Variants in SAMTOR observed in about 807,000 individuals in gnomAD.
SAMTOR encodes UPF0532 protein C7orf60.
At chr7:112,862,791 T>A in the SAMTOR span, among the ~76,000 whole-genome samples, 1 of 152,016 alleles carries the variant, frequency 6.6e-6, no homozygotes, top group Non-Finnish European at 1.5e-5. Flanking sequence ...TAGCAGGGTG[T>A]GGTGGAAGAC....
At chr7:112,830,389 C>T in the SAMTOR span, among the ~76,000 whole-genome samples, 1 of 152,262 alleles carries the variant, frequency 6.6e-6, no homozygotes, top group South Asian at 2.1e-4. Context: ...AACTGTGAAA[C>T]TCTGATTCTA....
the SAMTOR span, among the ~76,000 whole-genome samples, chr7:112,920,800 C>T: frequency 1.3e-5 from 2 of 151,794 alleles, no homozygotes; most frequent in African/African-American, 2.4e-5. Flanking sequence ...TTCTTATACA[C>T]CAATAACAGA....
At chr7:112,933,979 CTT>C in the SAMTOR span, among the ~76,000 whole-genome samples, 14 of 152,118 alleles carry the variant, frequency 9.2e-5, no homozygotes, top group Middle Eastern at 3.2e-3. Context: ...GACTGGGACT[CTT>C]TGAAAATCAA....
At chr7:112,880,057 C>A in the SAMTOR span, among the ~76,000 whole-genome samples, 1 of 152,040 alleles carries the variant, frequency 6.6e-6, no homozygotes, top group Non-Finnish European at 1.5e-5. Context: ...GAATGCTGTA[C>A]CTCTGACTAA....
chr7:112,934,995 T>C, the SAMTOR span, among the ~76,000 whole-genome samples: 2 of 152,204 alleles, frequency 1.3e-5, no homozygotes, highest in Non-Finnish European at 2.9e-5. Context: ...ATTACTGAAC[T>C]CTTTTCATTA....
chr7:112,922,466 G>C, the SAMTOR span, among the ~76,000 whole-genome samples: 1 of 152,008 alleles, frequency 6.6e-6, no homozygotes, highest in Non-Finnish European at 1.5e-5. Flanking sequence ...AGTCTGGAAA[G>C]TGAGGAGCGT....
chr7:112,873,134 A>G, the SAMTOR span, among the ~76,000 whole-genome samples: 1 of 152,152 alleles, frequency 6.6e-6, no homozygotes, highest in African/African-American at 2.4e-5. Flanking sequence ...TAAAATGTCC[A>G]TACTGCCCAA....
At chr7:112,850,226 A>G in the SAMTOR span, among the ~76,000 whole-genome samples, 1 of 152,164 alleles carries the variant, frequency 6.6e-6, no homozygotes, top group African/African-American at 2.4e-5. Flanking sequence ...AACAAAAAAA[A>G]CCATCTTTGC....
At chr7:112,879,296 G>A in the SAMTOR span, among the ~76,000 whole-genome samples, 28 of 151,296 alleles carry the variant, frequency 1.9e-4, no homozygotes, top group East Asian at 2.0e-4. Context: ...TAATCAAGCC[G>A]CCATGTGCAG....
chr7:112,862,708 C>T, the SAMTOR span, among the ~76,000 whole-genome samples: 1 of 152,100 alleles, frequency 6.6e-6, no homozygotes, highest in Non-Finnish European at 1.5e-5. Flanking sequence ...GTGGGTGGAT[C>T]ACCTGAGGTC....
chr7:112,902,356 C>T, the SAMTOR span, among the ~76,000 whole-genome samples: 7 of 132,134 alleles, frequency 5.3e-5, no homozygotes, highest in East Asian at 6.8e-4. Flanking sequence ...ACGGAGGTTG[C>T]GGTGAGCTGA....
At chr7:112,861,855 CTTTG>C in the SAMTOR span, among the ~76,000 whole-genome samples, 3,456 of 152,234 alleles carry the variant, frequency 0.023, 64 homozygotes, top group Admixed American at 0.042. Flanking sequence ...CATTTTAATC[CTTTG>C]TTTTTCTCCT....
chr7:112,891,394 C>T, the SAMTOR span, among the ~76,000 whole-genome samples: 149,257 of 152,354 alleles, frequency 0.98, 73,167 homozygotes, highest in East Asian at 1. Context: ...AAAATCAAAG[C>T]AACCAAAAGT....
At chr7:112,891,592 G>A in the SAMTOR span, among the ~76,000 whole-genome samples, 8 of 152,256 alleles carry the variant, frequency 5.3e-5, no homozygotes, top group Middle Eastern at 3.4e-3. Flanking sequence ...ATATTACAGC[G>A]AAATACCTCA....
At chr7:112,899,915 C>G in the SAMTOR span, among the ~76,000 whole-genome samples, 1 of 151,920 alleles carries the variant, frequency 6.6e-6, no homozygotes, top group South Asian at 2.1e-4. Context: ...ACCTACCTTA[C>G]CAGAAATGCT....
At chr7:112,935,888 GA>G in the SAMTOR span, among the ~76,000 whole-genome samples, 11 of 149,292 alleles carry the variant, frequency 7.4e-5, no homozygotes, top group Middle Eastern at 3.4e-3. Flanking sequence ...TACGATTATG[GA>G]AAAAAAAAAT....
chr7:112,928,879 T>G, the SAMTOR span, among the ~76,000 whole-genome samples: 1 of 151,892 alleles, frequency 6.6e-6, no homozygotes, highest in Non-Finnish European at 1.5e-5. Context: ...ATCCATTAAG[T>G]TCTTTAATAG....
the SAMTOR span, among the ~76,000 whole-genome samples, chr7:112,842,930 A>G: frequency 8.6e-5 from 13 of 151,932 alleles, no homozygotes; most frequent in African/African-American, 2.9e-4. Context: ...TCAATACCTC[A>G]TTAAATTATT....
chr7:112,842,832 AG>A, the SAMTOR span, among the ~76,000 whole-genome samples: 7 of 152,034 alleles, frequency 4.6e-5, no homozygotes, highest in East Asian at 9.6e-4. Context: ...AAAAGGCTAG[AG>A]GGCCAATCTT....
Sources: gnomAD v4.1 joint callset for allele counts (sites outside exome capture counted in the v4.1 genomes callset) on GRCh38, gnomAD v4.1.1 for gene constraint, MANE v1.5 for transcripts, NCBI Gene and HGNC (gene_info 2026-07-23, HGNC 2026-07-21) for gene names.